The following ABTB3 variants were observed in gnomAD, a reference collection of about 807,000 sequenced individuals.
ABTB3 encodes the protein ankyrin repeat and BTB domain containing 3.
the ABTB3 span, among the ~76,000 whole-genome samples, chr12:107,582,302 AG>A: frequency 6.6e-6 from 1 of 152,218 alleles, no homozygotes; most frequent in African/African-American, 2.4e-5. Context: ...AACAGTGTAA[AG>A]TAGGTACTGT....
the ABTB3 span, among the ~76,000 whole-genome samples, chr12:107,634,679 C>T: frequency 3.3e-5 from 5 of 152,140 alleles, no homozygotes; most frequent in Non-Finnish European, 7.4e-5. Context: ...CAAGCAGGCG[C>T]GTGTGTCCCC....
the ABTB3 span, among the ~76,000 whole-genome samples, chr12:107,417,402 G>A: frequency 3.9e-5 from 6 of 152,240 alleles, no homozygotes; most frequent in African/African-American, 1.4e-4. Context: ...TTTCTCATCT[G>A]CCTTCTCCTC....
At chr12:107,382,660 A>G in the ABTB3 span, among the ~76,000 whole-genome samples, 1 of 151,924 alleles carries the variant, frequency 6.6e-6, no homozygotes. Flanking sequence ...TAACAAACGA[A>G]CAGAAAACCA....
the ABTB3 span, among the ~76,000 whole-genome samples, chr12:107,436,579 C>T: frequency 0.27 from 41,246 of 152,026 alleles, 7,021 homozygotes; most frequent in African/African-American, 0.47. Flanking sequence ...TGCAAGCCTG[C>T]GAGTGACTCA....
At chr12:107,347,676 G>A in the ABTB3 span, among the ~76,000 whole-genome samples, 1 of 152,060 alleles carries the variant, frequency 6.6e-6, no homozygotes, top group South Asian at 2.1e-4. Flanking sequence ...GTCAGTTAAG[G>A]GCTACGTTCA....
the ABTB3 span, among the ~76,000 whole-genome samples, chr12:107,512,475 C>T: frequency 1.3e-5 from 2 of 152,164 alleles, no homozygotes; most frequent in Non-Finnish European, 2.9e-5. Flanking sequence ...TCAGCACCCA[C>T]GAAGTTTGTA....
chr12:107,401,914 G>GTT, the ABTB3 span, among the ~76,000 whole-genome samples: 55,104 of 130,616 alleles, frequency 0.42, 12,090 homozygotes, highest in Middle Eastern at 0.5. Context: ...ACCGCTTAGG[G>GTT]TTTTTTTTTT....
the ABTB3 span, among the ~76,000 whole-genome samples, chr12:107,393,436 AAG>A: frequency 6.6e-6 from 1 of 152,188 alleles, no homozygotes; most frequent in Non-Finnish European, 1.5e-5. Context: ...CCAGGAGACA[AAG>A]AGTTCCTGGT....
At chr12:107,509,513 T>A in the ABTB3 span, among the ~76,000 whole-genome samples, 2 of 152,230 alleles carry the variant, frequency 1.3e-5, no homozygotes. Context: ...GGCTTCAGGC[T>A]GGCTGGGGAG....
At chr12:107,571,244 C>T in the ABTB3 span, among the ~76,000 whole-genome samples, 3 of 152,192 alleles carry the variant, frequency 2.0e-5, no homozygotes, top group Admixed American at 1.3e-4. Flanking sequence ...CTTACAATTC[C>T]CCTGTTTCAC....
chr12:107,574,620 G>T, the ABTB3 span, among the ~76,000 whole-genome samples: 5 of 152,220 alleles, frequency 3.3e-5, no homozygotes, highest in African/African-American at 1.2e-4. Context: ...TACTTGGGAG[G>T]CTGAGGCAGG....
At chr12:107,568,924 T>C in the ABTB3 span, among the ~76,000 whole-genome samples, 1 of 152,190 alleles carries the variant, frequency 6.6e-6, no homozygotes, top group Non-Finnish European at 1.5e-5. Context: ...AATCATTCTG[T>C]AGCAACACAG....
At chr12:107,354,184 T>C in the ABTB3 span, among the ~76,000 whole-genome samples, 1 of 152,200 alleles carries the variant, frequency 6.6e-6, no homozygotes, top group East Asian at 1.9e-4. Context: ...ATTCTTTCTC[T>C]CCTTGTGATA....
the ABTB3 span, among the ~76,000 whole-genome samples, chr12:107,590,567 C>T: frequency 6.6e-6 from 1 of 152,188 alleles, no homozygotes; most frequent in Non-Finnish European, 1.5e-5. Flanking sequence ...TCATTAGTGC[C>T]CTTTACAACA....
chr12:107,419,011 G>A, the ABTB3 span, among the ~76,000 whole-genome samples: 1 of 152,172 alleles, frequency 6.6e-6, no homozygotes, highest in African/African-American at 2.4e-5. Context: ...CAAAGGAGCA[G>A]GTTGCTGGAA....
At chr12:107,550,063 C>T in the ABTB3 span, among the ~76,000 whole-genome samples, 4 of 152,156 alleles carry the variant, frequency 2.6e-5, no homozygotes, top group Non-Finnish European at 5.9e-5. Flanking sequence ...TGATACTGTC[C>T]TGCTGGGCCC....
At chr12:107,429,823 T>C in the ABTB3 span, among the ~76,000 whole-genome samples, 1 of 152,212 alleles carries the variant, frequency 6.6e-6, no homozygotes, top group Non-Finnish European at 1.5e-5. Context: ...TTGGTATCCA[T>C]TGCGGATGTG....
the ABTB3 span, among the ~76,000 whole-genome samples, chr12:107,337,504 G>T: frequency 6.6e-6 from 1 of 152,176 alleles, no homozygotes; most frequent in East Asian, 1.9e-4. Flanking sequence ...TACTGAGCAC[G>T]TTCACAATAG....
chr12:107,525,643 G>A, the ABTB3 span, among the ~76,000 whole-genome samples: 23 of 152,300 alleles, frequency 1.5e-4, no homozygotes, highest in Non-Finnish European at 1.2e-4. Flanking sequence ...TCCCTGTTGT[G>A]AATCAATGCT....
Sources: gnomAD v4.1 joint callset for allele counts (sites outside exome capture counted in the v4.1 genomes callset) on GRCh38, gnomAD v4.1.1 for gene constraint, MANE v1.5 for transcripts, NCBI Gene and HGNC (gene_info 2026-07-23, HGNC 2026-07-21) for gene names.